The following SLC2A13 variants were observed in gnomAD, a reference collection of about 807,000 sequenced individuals.
The protein encoded by SLC2A13 is proton myo-inositol cotransporter.
In SLC2A13, 32 loss-of-function variants were observed where a neutral mutation model predicts 64.4. That is an observed-to-expected ratio of 0.50 (90% confidence interval 0.37 to 0.67). The LOEUF is 0.67. Ranked by LOEUF, SLC2A13 falls within the 30% of genes least tolerant of loss-of-function variation. The probability of loss-of-function intolerance (pLI) is 0.00; values close to 1 mark genes in which losing one functional copy is unlikely to be tolerated. For synonymous variants in SLC2A13, 338 were observed against 327.1 expected (o/e 1.03, Z -0.36); for missense variants, 743 against 829.2 (o/e 0.90, Z 1.28).
intron 3 of SLC2A13, among the ~76,000 whole-genome samples, chr12:39,970,406 C>G (rs534191159): frequency 4.9e-4 from 75 of 152,254 alleles, no homozygotes; most frequent in African/African-American, 1.8e-3. Flanking sequence ...CTTGGTAATA[C>G]CAACAGTGAA....
At chr12:40,048,814 G>A (rs1232096110) in intron 1 of SLC2A13, among the ~76,000 whole-genome samples, 2 of 152,110 alleles carry the variant, frequency 1.3e-5, no homozygotes, top group African/African-American at 4.8e-5. Context: ...AATTAATGCA[G>A]TATTCTCTAT....
chr12:39,866,731 G>A (rs561065241), intron 5 of SLC2A13, among the ~76,000 whole-genome samples: 2 of 152,212 alleles, frequency 1.3e-5, no homozygotes, highest in South Asian at 2.1e-4. Flanking sequence ...CGCCAGCCTC[G>A]GCCTCCCAAA....
At chr12:39,835,434 T>A (rs1478249197) in intron 6 of SLC2A13, among the ~76,000 whole-genome samples, 2 of 152,094 alleles carry the variant, frequency 1.3e-5, no homozygotes, top group East Asian at 3.9e-4. Context: ...TGCTCTACAT[T>A]AAGAAACTTT....
At chr12:39,815,857 C>T (rs1942324547) in intron 7 of SLC2A13, among the ~76,000 whole-genome samples, 1 of 152,082 alleles carries the variant, frequency 6.6e-6, no homozygotes. Flanking sequence ...ATCCAATTGT[C>T]AAATAAATAT....
At chr12:40,073,507 T>C (rs975211468) in intron 1 of SLC2A13, among the ~76,000 whole-genome samples, 2 of 152,172 alleles carry the variant, frequency 1.3e-5, no homozygotes, top group Non-Finnish European at 2.9e-5. Context: ...CATTTATTTC[T>C]CTCCAATGTT....
intron 1 of SLC2A13, among the ~76,000 whole-genome samples, chr12:40,062,985 A>G (rs564989536): frequency 1.3e-5 from 2 of 152,266 alleles, no homozygotes; most frequent in Admixed American, 1.3e-4. Context: ...GTTGTTTTAT[A>G]TAGCTACCCC....
chr12:39,922,834 T>C (rs2136058337), intron 4 of SLC2A13, among the ~76,000 whole-genome samples: 1 of 152,306 alleles, frequency 6.6e-6, no homozygotes, highest in East Asian at 1.9e-4. Flanking sequence ...CAAAAGCTTG[T>C]CTTGCAAAAC....
chr12:40,052,679 A>G (rs1948278378), intron 1 of SLC2A13, among the ~76,000 whole-genome samples: 1 of 152,172 alleles, frequency 6.6e-6, no homozygotes, highest in Non-Finnish European at 1.5e-5. Context: ...TAGTTGCTGG[A>G]CTATATTTCT....
Position 39,764,499 on chromosome 12 carries a change from G to C in SLC2A13, c.1681C>G (p.Leu561Val). The change falls in exon 9 of 10, where the codon CTA (leucine) becomes GTA (valine). Residue 561 changes from leucine (L) to valine (V), a missense_variant. By Grantham distance (32) the Leu-to-Val change is conservative. This residue lies in a region of SLC2A13 where 295 missense variants were observed against 381.7 expected (regional missense o/e 0.77). Transcript: ENST00000280871. ...TACTCTGCTGTGTGTAAAAATGTTA[G>C]TGAAACCAGGACATTGAAAATCCAG... The part of the protein sequence containing the change: ...INWIFNVLVS[L>V]TFLHTAEYLT... 4 of 1,607,906 alleles carry C rather than the reference G, an allele frequency of 2.5e-6. No individual in the cohort carries two copies. The highest frequency in any genetic ancestry group is 3.4e-6 in the Non-Finnish European group (4 of 1,178,174).
chr12:39,825,266 A>G (rs1942638388), intron 7 of SLC2A13, among the ~76,000 whole-genome samples: 1 of 152,186 alleles, frequency 6.6e-6, no homozygotes, highest in South Asian at 2.1e-4. Flanking sequence ...TTTTGTATAT[A>G]TGGAGAGTCA....
At chr12:40,104,126 C>G (rs935110188) in intron 1 of SLC2A13, among the ~76,000 whole-genome samples, 5 of 152,072 alleles carry the variant, frequency 3.3e-5, no homozygotes, top group African/African-American at 1.2e-4. Context: ...TCAGCAGCAG[C>G]CCCAGGTTTA....
chr12:40,028,256 C>A, intron 3 of SLC2A13, 45 bp downstream of exon 3: 1 of 1,421,198 alleles, frequency 7.0e-7, no homozygotes, highest in Middle Eastern at 1.8e-4. Flanking sequence ...ACAAATAAGA[C>A]CACTGTATAG....
intron 1 of SLC2A13, among the ~76,000 whole-genome samples, chr12:40,096,218 C>T (rs1218863735): frequency 3.3e-5 from 5 of 151,938 alleles, no homozygotes; most frequent in Admixed American, 6.6e-5. Context: ...CATGAGCCAC[C>T]GCACCCGGCC....
At chr12:39,902,291 G>A (rs1945146033) in intron 4 of SLC2A13, among the ~76,000 whole-genome samples, 1 of 151,538 alleles carries the variant, frequency 6.6e-6, no homozygotes, top group African/African-American at 2.4e-5. Flanking sequence ...GTATACATAT[G>A]TAACTAACCT....
At chr12:39,976,088 T>A (rs1946752639) in intron 3 of SLC2A13, among the ~76,000 whole-genome samples, 1 of 152,218 alleles carries the variant, frequency 6.6e-6, no homozygotes. Flanking sequence ...TCTTTTTGTC[T>A]TCTAATGGGG....
chr12:39,955,482 GA>G (rs869059460), intron 3 of SLC2A13, among the ~76,000 whole-genome samples: 4 of 151,244 alleles, frequency 2.6e-5, no homozygotes, highest in African/African-American at 9.8e-5. Context: ...AAGTAGAAAA[GA>G]AGAGAGTTGA....
chr12:40,075,840 ATCTG>A (rs1487326229), intron 1 of SLC2A13, among the ~76,000 whole-genome samples: 1 of 151,726 alleles, frequency 6.6e-6, no homozygotes, highest in African/African-American at 2.4e-5. Context: ...ACTTATATTT[ATCTG>A]TCTTAAGTTC....
intron 4 of SLC2A13, among the ~76,000 whole-genome samples, chr12:39,882,559 AAAGGATGCTT>A (rs945322224): frequency 4.6e-5 from 7 of 152,292 alleles, no homozygotes; most frequent in African/African-American, 1.7e-4. Flanking sequence ...CCAACTCTCC[AAAGGATGCTT>A]TCATAGCATT....
intron 2 of SLC2A13, among the ~76,000 whole-genome samples, chr12:40,041,262 C>T (rs190935431): frequency 3.5e-4 from 53 of 152,174 alleles, no homozygotes; most frequent in Non-Finnish European, 6.2e-4. Flanking sequence ...CACCAAAGGC[C>T]GGCCTTCCCA....
Sources: gnomAD v4.1 joint callset for allele counts (sites outside exome capture counted in the v4.1 genomes callset) on GRCh38, gnomAD v4.1.1 for gene constraint, gnomAD v4.1.1 regional missense constraint, MANE v1.5 for transcripts, NCBI Gene and HGNC (gene_info 2026-07-23, HGNC 2026-07-21) for gene names.